Variants in PLB1 observed in about 807,000 individuals in gnomAD.
PLB1 encodes phospholipase B1, membrane-associated.
Under a neutral mutation model 227.4 loss-of-function variants are expected in PLB1, and 242 were observed. The ratio of observed to expected loss-of-function variants is 1.06; its 90% confidence interval spans 0.96 to 1.18. The LOEUF (loss-of-function observed/expected upper bound fraction) is 1.18, where lower values mean the gene tolerates loss of function less well. PLB1 is among the 50% of genes most tolerant of loss of function. The pLI is 0.00. For missense variants in PLB1, 1,858 were observed against 1,816.3 expected, an observed-to-expected ratio of 1.02 and a Z score of -0.42; for synonymous variants, 757 against 682.2, an observed-to-expected ratio of 1.11 and a Z score of -1.71.
At position 28,565,178 on chromosome 2, in the gene PLB1, G is replaced by C. The variant is rs573947008; in HGVS notation, c.1207-102G>C. On this transcript the variant is annotated intron_variant, in intron 18 of 57. Transcript: ENST00000327757. ...GACCCTAGATCCCAGAGAGTGCCCAGGTGGTCCTGGCCAGCATAAGAACAT... is the reference window on the plus strand; with the variant it reads ...GACCCTAGATCCCAGAGAGTGCCCACGTGGTCCTGGCCAGCATAAGAACAT... 2.8e-4 allele frequency: 266 copies of C among 956,806 alleles called. 4 individuals are homozygous for C. The South Asian group carries it at 3.5e-3, about 13-fold the overall frequency. 59.3% of individuals were successfully genotyped at this position (956,806 alleles called of 1,614,324 possible).
At chr2:28,623,601 C>A (rs564004002) in intron 49 of PLB1, among the ~76,000 whole-genome samples, 1 of 152,200 alleles carries the variant, frequency 6.6e-6, no homozygotes, top group African/African-American at 2.4e-5. Context: ...AGGGATGGTA[C>A]CATGTGTGTT....
At chr2:28,555,294 G>A (rs753001365) in intron 17 of PLB1, among the ~76,000 whole-genome samples, 9 of 143,434 alleles carry the variant, frequency 6.3e-5, no homozygotes, top group Admixed American at 1.4e-4. Flanking sequence ...GGTGCCTGCC[G>A]CCATGCCCAG....
chr2:28,623,104 A>ACAGATGCAGACC (rs1163831482), intron 49 of PLB1, among the ~76,000 whole-genome samples: 1 of 152,182 alleles, frequency 6.6e-6, no homozygotes, highest in African/African-American at 2.4e-5. Context: ...CTGTCTAAAG[A>ACAGATGCAGACC]CAGATGCAGA....
At chr2:28,544,441 C>T (rs1432618440) in intron 14 of PLB1, among the ~76,000 whole-genome samples, 1 of 152,194 alleles carries the variant, frequency 6.6e-6, no homozygotes, top group Non-Finnish European at 1.5e-5. Flanking sequence ...TCCCAACCAA[C>T]AAAAGGACAC....
intron 6 of PLB1, among the ~76,000 whole-genome samples, chr2:28,526,259 T>C (rs554240684): frequency 6.6e-6 from 1 of 152,114 alleles, no homozygotes; most frequent in South Asian, 2.1e-4. Flanking sequence ...GTCCTGAGTT[T>C]CCTGCCCACC....
At chr2:28,599,681 ATC>A (rs1304040090) in intron 35 of PLB1, among the ~76,000 whole-genome samples, 1 of 152,154 alleles carries the variant, frequency 6.6e-6, no homozygotes, top group East Asian at 1.9e-4. Context: ...CAGTGGCACA[ATC>A]TCTGCTCACG....
intron 55 of PLB1, 80 bp downstream of exon 55, chr2:28,632,220 G>GTT (rs2148342282): frequency 4.6e-6 from 5 of 1,078,366 alleles, no homozygotes; most frequent in South Asian, 4.5e-5. Context: ...CTCTAAGTGG[G>GTT]CTTTTTTTTT....
chr2:28,576,681 G>A (rs1679003796), intron 21 of PLB1, among the ~76,000 whole-genome samples: 2 of 152,294 alleles, frequency 1.3e-5, no homozygotes, highest in South Asian at 4.1e-4. Flanking sequence ...AGTGAACTGA[G>A]ATCACGCCAT....
intron 13 of PLB1, 36 bp downstream of exon 13, chr2:28,541,847 T>C: frequency 6.5e-7 from 1 of 1,534,638 alleles, no homozygotes. Context: ...AAGAGTGTGG[T>C]GGGGGCCGGG....
At position 28,618,469 on chromosome 2, in the gene PLB1, TC is replaced by T. The variant is rs1403234988; in HGVS notation, c.3315+74del. The T allele has an allele frequency of 8.1e-6, 12 of 1,488,236 alleles. No homozygotes were observed. The East Asian group carries it at 2.3e-4, about 28-fold the overall frequency. 92.2% of individuals were successfully genotyped at this position (1,488,236 alleles called of 1,614,324 possible). On this transcript the variant is annotated intron_variant, in intron 46 of 57. Transcript: ENST00000327757. ...CCAGGCCCTGCGCAGAATCTGTGCT[TC>T]CCCAGCATTGGCTCCGCTTTCAGTG...
At chr2:28,556,346 G>T (rs1275754141) in intron 17 of PLB1, among the ~76,000 whole-genome samples, 1 of 152,216 alleles carries the variant, frequency 6.6e-6, no homozygotes, top group Non-Finnish European at 1.5e-5. Context: ...GAGCTCGTGA[G>T]TGATGTGCTT....
chr2:28,589,169 A>ACCC (rs1681438924), intron 26 of PLB1, among the ~76,000 whole-genome samples: 2 of 151,018 alleles, frequency 1.3e-5, no homozygotes, highest in Non-Finnish European at 3.0e-5. Flanking sequence ...TGTCCCCCCA[A>ACCC]AAAAAAAAGG....
At chr2:28,549,519 G>A (rs541953571) in intron 15 of PLB1, among the ~76,000 whole-genome samples, 47 of 142,108 alleles carry the variant, frequency 3.3e-4, no homozygotes, top group Admixed American at 7.5e-4. Flanking sequence ...GGGTTCAAGC[G>A]ATTCTCCTGC....
chr2:28,532,233 T>C, intron 9 of PLB1, 39 bp downstream of exon 9: 1 of 1,541,522 alleles, frequency 6.5e-7, no homozygotes, highest in East Asian at 2.3e-5. Context: ...TTACAGATGC[T>C]GGGGTGGAGA....
intron 57 of PLB1, among the ~76,000 whole-genome samples, chr2:28,642,148 A>C (rs1288171030): frequency 1.3e-5 from 2 of 152,054 alleles, no homozygotes; most frequent in Non-Finnish European, 2.9e-5. Context: ...CCAGACACTG[A>C]CCCATGTGGG....
At chr2:28,541,431 G>T (rs73922153) in intron 12 of PLB1, among the ~76,000 whole-genome samples, 3,070 of 152,298 alleles carry the variant, frequency 0.02, 98 homozygotes, top group African/African-American at 0.07. Context: ...CCTGCCACAC[G>T]CTGGGCTGTC....
At chr2:28,521,374 G>A (rs1669511251) in intron 4 of PLB1, among the ~76,000 whole-genome samples, 4 of 152,176 alleles carry the variant, frequency 2.6e-5, no homozygotes, top group Admixed American at 6.5e-5. Flanking sequence ...CATAGTGACT[G>A]CACTATTTTA....
At chr2:28,516,707 T>C in intron 1 of PLB1, 101 bp from the exon 2 acceptor site, 2 of 1,031,376 alleles carry the variant, frequency 1.9e-6, no homozygotes, top group South Asian at 2.8e-5. Context: ...ATTACTGAGC[T>C]GGGCACACAG....
At chr2:28,601,217 T>A in intron 36 of PLB1, 35 bp from the exon 37 acceptor site, 1 of 1,535,680 alleles carries the variant, frequency 6.5e-7, no homozygotes, top group Non-Finnish European at 9.0e-7. Context: ...ATTTCCTTGT[T>A]GGAAATTATC....
Sources: gnomAD v4.1 joint callset for allele counts (sites outside exome capture counted in the v4.1 genomes callset) on GRCh38, gnomAD v4.1.1 for gene constraint, MANE v1.5 for transcripts, NCBI Gene and HGNC (gene_info 2026-07-23, HGNC 2026-07-21) for gene names.